Variants in AMPD3 observed in about 807,000 individuals in gnomAD.
AMPD3 encodes adenosine monophosphate deaminase 3.
In AMPD3, 57 loss-of-function variants were observed where a neutral mutation model predicts 82.3. The observed-to-expected ratio is 0.69, with a 90% CI of 0.56 to 0.86. The LOEUF is 0.86. AMPD3 is among the 40% of genes least tolerant of loss of function. The probability of loss-of-function intolerance (pLI) is 0.00; values close to 1 mark genes in which losing one functional copy is unlikely to be tolerated. For synonymous variants in AMPD3, 381 were observed against 394.7 expected (o/e 0.97, Z 0.41); for missense variants, 870 against 1,003.8 (o/e 0.87, Z 1.80).
intron 5 of AMPD3, among the ~76,000 whole-genome samples, chr11:10,485,482 T>C (rs1003774036): frequency 3.3e-5 from 5 of 152,086 alleles, no homozygotes; most frequent in African/African-American, 1.2e-4. Flanking sequence ...AGAGCTCAGG[T>C]AGTGCACCCA....
At chr11:10,481,353 C>A in intron 3 of AMPD3, 1 of 759,674 alleles carries the variant, frequency 1.3e-6, no homozygotes, top group Non-Finnish European at 1.6e-6. Flanking sequence ...AATGACGGTG[C>A]TCATCGCCTT....
chr11:10,487,304 A>G lies in AMPD3; in HGVS notation c.879A>G (p.Glu293=), dbSNP rs763858426. Residue 293 remains glutamate (E), a synonymous_variant, in exon 6 of 15, where the codon GAA becomes GAG. Coordinates refer to ENST00000396553, the MANE Select transcript of AMPD3 (RefSeq NM_001025389.2). ...TCAGCCTTCATGAGATGTTAAACGAAATGTCCGAGTTCAAAGAGTTGAAGA... is the reference window on the plus strand; with the variant it reads ...TCAGCCTTCATGAGATGTTAAACGAGATGTCCGAGTTCAAAGAGTTGAAGA... ...SKFSLHEMLN[E]MSEFKELKSN... is the part of the protein sequence containing the mutation. 6 of 1,614,106 alleles carry G rather than the reference A, an allele frequency of 3.7e-6. No homozygotes were observed. The highest frequency in any genetic ancestry group is 5.1e-6 in the Non-Finnish European group (6 of 1,179,992).
At chr11:10,500,040 G>A in intron 10 of AMPD3, 46 bp from the exon 11 acceptor site, 3 of 1,613,244 alleles carry the variant, frequency 1.9e-6, no homozygotes, top group Non-Finnish European at 2.5e-6. Flanking sequence ...CCGAGGCTGA[G>A]TCCTGGTCCT....
intron 4 of AMPD3, chr11:10,484,366 C>G (rs1233331981): frequency 2.0e-6 from 2 of 985,184 alleles, no homozygotes; most frequent in East Asian, 1.1e-4. Flanking sequence ...GGCCTGGGCT[C>G]GGGACAGTTA....
rs1302475012 is a variant in AMPD3 at position 10,495,719 on chromosome 11, G to A, written c.1416G>A (p.Gln472=). ...VYSPNMRWII[Q]VPRIYDIFRS... ...CTCCCAACATGCGCTGGATCATCCA[G>A]GTGCCCCGGATTTAGTAAGTGAGGT... Residue 472 remains glutamine, a synonymous_variant, in exon 9 of 15, where the codon CAG becomes CAA. Coordinates refer to ENST00000396553, the MANE Select transcript of AMPD3 (RefSeq NM_001025389.2). The A allele has an allele frequency of 1.2e-6, 2 of 1,613,994 alleles. No individual in the cohort carries two copies. The highest frequency in any genetic ancestry group is 2.7e-5 in the African/African-American group (2 of 74,888).
In AMPD3 at chr11:10,482,141, G is replaced by T. The variant is rs779211791; in HGVS notation, c.505G>T (p.Ala169Ser). The stretch of plus-strand genomic sequence containing the variant: ...GATCCGGGAGAAGTATGCGCGGCTC[G>T]CCTACCACCGCTTCCCGCGGATCAC... ...LMIREKYARL[A>S]YHRFPRITSQ... The change falls in exon 4 of 15, where the codon GCC becomes TCC. Residue 169 changes from alanine to serine, a missense_variant. By Grantham distance (99) the Ala-to-Ser change is moderately conservative (BLOSUM62 1). Transcript: ENST00000396553. 6.2e-7 allele frequency: 1 copy of T among 1,614,074 alleles called. No homozygotes were observed. The highest frequency in any genetic ancestry group is 2.2e-5 in the East Asian group (1 of 44,882).
intron 1 of AMPD3, among the ~76,000 whole-genome samples, chr11:10,458,296 GCTCC>G (rs34686247): frequency 0.97 from 142,001 of 146,574 alleles, 68,720 homozygotes; most frequent in East Asian, 1. Flanking sequence ...GTATGGTGAT[GCTCC>G]CTCCCTCCCT....
chr11:10,489,055 C>A (rs763530595), intron 6 of AMPD3, among the ~76,000 whole-genome samples: 3 of 152,210 alleles, frequency 2.0e-5, no homozygotes, highest in Admixed American at 6.5e-5. Flanking sequence ...GAGAGGCTTA[C>A]AGAAGTGTTT....
rs886047588 is a variant in AMPD3, at chr11:10,496,897, A to G, written c.1516A>G (p.Asn506Asp). 6.2e-7 allele frequency: 1 copy of G among 1,614,120 alleles called. No homozygotes were observed. Reference sequence around the variant, plus strand: ...CCTGCCCCTTTTCAAGGCCACTATCAACCCCCAAGATCATCGAGAGCTTCA... The same window carrying G: ...CCTGCCCCTTTTCAAGGCCACTATCGACCCCCAAGATCATCGAGAGCTTCA... ...IFLPLFKATI[N>D]PQDHRELHLF... The change falls in exon 10 of 15, where the codon AAC becomes GAC. Residue 506 changes from asparagine to aspartate, a missense_variant. Transcript: ENST00000396553.
chr11:10,469,721 G>A (rs1848528727), intron 2 of AMPD3, among the ~76,000 whole-genome samples: 1 of 152,182 alleles, frequency 6.6e-6, no homozygotes, highest in Admixed American at 6.5e-5. Flanking sequence ...AAAATTTCAG[G>A]CCAATATCCC....
upstream of AMPD3, chr11:10,451,027 C>T (rs776118631): frequency 6.3e-7 from 1 of 1,583,586 alleles, no homozygotes; most frequent in East Asian, 2.3e-5. Flanking sequence ...GCGGCATGGC[C>T]CTGTCGTCCG....
chr11:10,451,909 A>C (rs1347310129), upstream of AMPD3, among the ~76,000 whole-genome samples: 1 of 152,172 alleles, frequency 6.6e-6, no homozygotes, highest in Non-Finnish European at 1.5e-5. Flanking sequence ...ATTGAGCCAG[A>C]CAGACAGAGC....
Position 10,458,947 on chromosome 11 carries a change from G to A in AMPD3, c.-5-2568G>A, listed in dbSNP as rs569019820. Among the ~76,000 whole-genome samples the A allele has an allele frequency of 1.1e-3, 160 of 152,254 alleles. 1 individual carries two copies. The highest frequency in any genetic ancestry group is 4.2e-3 in the Admixed American group (65 of 15,298). On this transcript the variant is annotated intron_variant, in intron 1 of 14. Coordinates refer to ENST00000396553, the MANE Select transcript of AMPD3 (RefSeq NM_001025389.2). ...TTGATTGGTGGCCTTGGAATAAGGG[G>A]GGAGGTGAGGATCCAGTTTCGTTTC...
Position 10,484,804 on chromosome 11 carries a change from C to G in AMPD3, c.590-16C>G. 6.2e-7 allele frequency: 1 copy of G among 1,613,258 alleles called. No individual in the cohort carries two copies. Among genetic ancestry groups the G allele is most frequent in the Non-Finnish European group, 8.5e-7 (1 of 1,179,750 alleles). ...AGGTCAGGGGCACTTTGCCATCCCTCAATCCTGTTTTGCAGACTTCCACCC... is the reference window on the plus strand; with the variant it reads ...AGGTCAGGGGCACTTTGCCATCCCTGAATCCTGTTTTGCAGACTTCCACCC... On this transcript the variant is annotated splice_polypyrimidine_tract_variant and intron_variant, in intron 4 of 14. Coordinates refer to ENST00000396553, the MANE Select transcript of AMPD3 (RefSeq NM_001025389.2).
At position 10,504,514 on chromosome 11, in the gene AMPD3, C is replaced by G. The variant is rs1205058916; in HGVS notation, c.2017-35C>G. The G allele has an allele frequency of 3.2e-6, 5 of 1,583,256 alleles. No homozygotes were observed. In the South Asian group the frequency reaches 5.5e-5, roughly 18 times the overall value. ...TGTGAACGATTGACATGGATATCCC[C>G]CCTTCTAATCCACATGCTTTGGGGG... is the stretch of plus-strand genomic sequence containing the variant. On this transcript the variant is annotated intron_variant, in intron 13 of 14. Coordinates refer to ENST00000396553, the MANE Select transcript of AMPD3 (RefSeq NM_001025389.2).
upstream of AMPD3, chr11:10,450,870 G>A: frequency 1.6e-6 from 2 of 1,220,166 alleles, no homozygotes; most frequent in Non-Finnish European, 2.0e-6. Flanking sequence ...GCAGCGCTGC[G>A]CCCTCTGAAC....
chr11:10,451,483 C>T (rs1847961629), upstream of AMPD3, among the ~76,000 whole-genome samples: 1 of 152,208 alleles, frequency 6.6e-6, no homozygotes, highest in Non-Finnish European at 1.5e-5. Context: ...ACCTCTTTGG[C>T]TCTCTCCCGG....
chr11:10,454,291 T>C (rs536024185), upstream of AMPD3, among the ~76,000 whole-genome samples: 23 of 152,348 alleles, frequency 1.5e-4, no homozygotes, highest in African/African-American at 5.5e-4. Context: ...GAGCTGCTGC[T>C]GGTTTCTGTC....
chr11:10,454,800 T>C (rs138359118), upstream of AMPD3, among the ~76,000 whole-genome samples: 153 of 152,302 alleles, frequency 1.0e-3, no homozygotes, highest in Non-Finnish European at 2.0e-3. Context: ...CCCTCCTCCT[T>C]CTGGCAGAAT....
Sources: gnomAD v4.1 joint callset for allele counts (sites outside exome capture counted in the v4.1 genomes callset) on GRCh38, gnomAD v4.1.1 for gene constraint, MANE v1.5 for transcripts, NCBI Gene and HGNC (gene_info 2026-07-23, HGNC 2026-07-21) for gene names.